The following SORCS1 variants were observed in gnomAD, a reference collection of about 807,000 sequenced individuals.
SORCS1 encodes the protein sortilin related VPS10 domain containing receptor 1.
In SORCS1, 60 loss-of-function variants were observed where a neutral mutation model predicts 146.1. The ratio of observed to expected loss-of-function variants is 0.41; its 90% CI spans 0.33 to 0.51. The LOEUF (loss-of-function observed/expected upper bound fraction) is 0.51. Among genes scored for constraint, SORCS1 ranks in the 20% least tolerant of loss-of-function variants. The pLI is 0.21. For synonymous variants in SORCS1, 637 were observed against 584.0 expected, an observed-to-expected ratio of 1.09 and a Z score of -1.31; for missense variants, 1,352 against 1,487.6, an observed-to-expected ratio of 0.91 and a Z score of 1.50.
In SORCS1 at chr10:106,960,445, G is replaced by A. The variant is rs563228263; in HGVS notation, c.559-3865C>T. Among the ~76,000 whole-genome samples, 16 of 149,348 alleles carry A rather than the reference G, an allele frequency of 1.1e-4. No homozygotes were observed. The highest frequency in any genetic ancestry group is 3.5e-3 in the Middle Eastern group (1 of 288). Reference sequence around the variant, plus strand: ...TTTTGAGATGGAATCTCGCTCTGTCGCCAGGCTGGAGTGCAGTGGCGTGAT... The same window carrying A: ...TTTTGAGATGGAATCTCGCTCTGTCACCAGGCTGGAGTGCAGTGGCGTGAT... On this transcript the variant is annotated intron_variant, in intron 1 of 25. Transcript: ENST00000263054. The surrounding 1 kb of genome is among the most constrained non-coding windows in gnomAD (Gnocchi z 4.4).
intron 17 of SORCS1, among the ~76,000 whole-genome samples, chr10:106,665,848 GT>G (rs1851094341): frequency 6.6e-6 from 1 of 151,880 alleles, no homozygotes; most frequent in Admixed American, 6.6e-5. Flanking sequence ...TTGTTTGTTT[GT>G]TTGTTTTGAG....
At chr10:107,115,124 T>C (rs1271053737) in intron 1 of SORCS1, among the ~76,000 whole-genome samples, 1 of 151,896 alleles carries the variant, frequency 6.6e-6, no homozygotes, top group Non-Finnish European at 1.5e-5. Context: ...AATAAAAACA[T>C]ATCCCGTGTT....
At chr10:106,768,363 G>A (rs1330921126) in intron 4 of SORCS1, among the ~76,000 whole-genome samples, 1 of 152,128 alleles carries the variant, frequency 6.6e-6, no homozygotes, top group Non-Finnish European at 1.5e-5. Context: ...GCAGTGCCTT[G>A]GGGAAACATG....
At chr10:107,031,798 C>T (rs1958670369) in intron 1 of SORCS1, among the ~76,000 whole-genome samples, 1 of 152,070 alleles carries the variant, frequency 6.6e-6, no homozygotes, top group African/African-American at 2.4e-5. Context: ...CTGAGCTTAC[C>T]TCTCTAACAC....
At chr10:107,065,324 C>A (rs1663747276) in intron 1 of SORCS1, among the ~76,000 whole-genome samples, 1 of 147,730 alleles carries the variant, frequency 6.8e-6, no homozygotes, top group South Asian at 2.1e-4. Context: ...CATGAGAATG[C>A]AGCAAATCGT....
At chr10:106,859,459 T>C (rs1334407573) in intron 2 of SORCS1, among the ~76,000 whole-genome samples, 1 of 152,186 alleles carries the variant, frequency 6.6e-6, no homozygotes, top group Admixed American at 6.5e-5. Context: ...GGCGGCGCGA[T>C]GTTGGCTCAC....
intron 1 of SORCS1, among the ~76,000 whole-genome samples, chr10:107,151,970 CATCACAG>C (rs1344304760): frequency 6.6e-6 from 1 of 152,110 alleles, no homozygotes; most frequent in Non-Finnish European, 1.5e-5. Flanking sequence ...CAGGCCCTTC[CATCACAG>C]ACCCAGAGGC....
chr10:106,763,259 G>T lies in SORCS1; in HGVS notation c.886-1598C>A, dbSNP rs145239485. On this transcript the variant is annotated intron_variant, in intron 4 of 25. Transcript: ENST00000263054. ...GGATTGCTATTCCTGCTCCCACAGA[G>T]AATTCATCTCTGTGAGGAATTGTTG... 1.0e-3 allele frequency among the ~76,000 whole-genome samples: 159 copies of T among 152,232 alleles called. 1 individual carries two copies. In the East Asian group the frequency reaches 0.026, roughly 24 times the overall value.
At chr10:106,947,955 T>G (rs567992772) in intron 2 of SORCS1, among the ~76,000 whole-genome samples, 65 of 152,308 alleles carry the variant, frequency 4.3e-4, no homozygotes, top group Middle Eastern at 3.4e-3. Flanking sequence ...ATACATAAGT[T>G]AATTAAGCAT....
chr10:106,807,179 AAGGAAGGAAGGAAGG>A (rs928681109), intron 3 of SORCS1, among the ~76,000 whole-genome samples: 7 of 151,844 alleles, frequency 4.6e-5, no homozygotes, highest in Admixed American at 3.9e-4. Context: ...TGCTTTGAAG[AAGGAAGGAAGGAAGG>A]AGGAAGGAAG....
chr10:106,783,979 G>A (rs1861087931), intron 3 of SORCS1, among the ~76,000 whole-genome samples: 1 of 151,790 alleles, frequency 6.6e-6, no homozygotes, highest in Admixed American at 6.6e-5. Context: ...ATGCTTAACT[G>A]TCATTTAAAA....
chr10:107,006,606 A>G (rs1957453382), intron 1 of SORCS1, among the ~76,000 whole-genome samples: 1 of 152,218 alleles, frequency 6.6e-6, no homozygotes, highest in Non-Finnish European at 1.5e-5. Context: ...TCACGAGGTC[A>G]GGAGATCGAG....
chr10:106,869,602 T>C (rs1284582979), intron 2 of SORCS1, among the ~76,000 whole-genome samples: 1 of 152,194 alleles, frequency 6.6e-6, no homozygotes, highest in Admixed American at 6.5e-5. Flanking sequence ...CACAGGATTA[T>C]CTCAATAGAT....
intron 9 of SORCS1, among the ~76,000 whole-genome samples, chr10:106,696,162 T>C (rs1853687523): frequency 6.6e-6 from 1 of 152,060 alleles, no homozygotes. Context: ...ACAAAGGCCA[T>C]CCTCTTCAGT....
At position 106,673,101 on chromosome 10, in the gene SORCS1, C is replaced by A. The variant is rs1171801805; in HGVS notation, c.1941-116G>T. On this transcript the variant is annotated intron_variant, in intron 14 of 25. Transcript: ENST00000263054. The stretch of plus-strand genomic sequence containing the variant: ...GCTAAGCACATTACATGAATCATAT[C>A]ATTTAATCCTCAAAACGCATTCATG... 2.2e-5 allele frequency: 16 copies of A among 722,092 alleles called. 1 individual carries two copies. The East Asian group carries it at 3.4e-4, about 15-fold the overall frequency. The allele number at this position is 722,092 out of a possible 1,614,324, so 44.7% of individuals were successfully genotyped here. A position where few individuals can be genotyped will look rare whatever the true frequency, so the allele number is the denominator to read the frequency against.
At chr10:106,957,051 G>A (rs540598194) in intron 1 of SORCS1, among the ~76,000 whole-genome samples, 1 of 152,148 alleles carries the variant, frequency 6.6e-6, no homozygotes, top group Admixed American at 6.5e-5. Flanking sequence ...ATGTCAGTAT[G>A]CTCATTTATT....
At chr10:106,905,524 T>TAC (rs1951873590) in intron 2 of SORCS1, among the ~76,000 whole-genome samples, 1 of 152,226 alleles carries the variant, frequency 6.6e-6, no homozygotes, top group Non-Finnish European at 1.5e-5. Context: ...TACATTGCCC[T>TAC]GTTCAAGAAA....
Position 107,060,925 on chromosome 10 carries a change from T to G in SORCS1, c.558+103044A>C, listed in dbSNP as rs1242825551. Among the ~76,000 whole-genome samples, 1 of 152,176 alleles carries G rather than the reference T, an allele frequency of 6.6e-6. No homozygotes were observed. Among genetic ancestry groups the G allele is most frequent in the African/African-American group, 2.4e-5 (1 of 41,450 alleles). On this transcript the variant is annotated intron_variant, in intron 1 of 25. Transcript: ENST00000263054. The surrounding 1 kb of genome is among the most constrained non-coding windows in gnomAD (Gnocchi z 4.1). ...ATGTGTACTGAATGAAGTCCTCACATTTTCAAATATCTTTTCCCTTTCTCT... is the reference window on the plus strand; with the variant it reads ...ATGTGTACTGAATGAAGTCCTCACAGTTTCAAATATCTTTTCCCTTTCTCT...
At chr10:106,937,332 A>C (rs565063412) in intron 2 of SORCS1, among the ~76,000 whole-genome samples, 20 of 137,156 alleles carry the variant, frequency 1.5e-4, no homozygotes, top group African/African-American at 4.8e-4. Context: ...CACCATGCCC[A>C]GCTATTTTTT....
Sources: gnomAD v4.1 joint callset for allele counts (sites outside exome capture counted in the v4.1 genomes callset) on GRCh38, gnomAD v4.1.1 for gene constraint, Gnocchi (gnomAD v3.1) non-coding constraint, MANE v1.5 for transcripts, NCBI Gene and HGNC (gene_info 2026-07-23, HGNC 2026-07-21) for gene names.